The following MKNK1 variants were observed in gnomAD, a reference collection of about 807,000 sequenced individuals.
The protein encoded by MKNK1 is MAP kinase-interacting serine/threonine-protein kinase 1.
MKNK1 carries 30 observed loss-of-function variants against 49.3 expected under a neutral mutation model. That is an observed-to-expected ratio of 0.61 (90% CI 0.46 to 0.83). MKNK1 has a LOEUF of 0.83. Among genes scored for constraint, MKNK1 ranks in the 40% least tolerant of loss-of-function variants. The pLI is 0.00. For synonymous variants in MKNK1, 176 were observed against 201.7 expected (o/e 0.87, Z 1.08); for missense variants, 423 against 524.7 (o/e 0.81, Z 1.89).
Position 46,558,267 on chromosome 1 carries a change from T to C in MKNK1, c.*308A>G, listed in dbSNP as rs1004859178. On this transcript the variant is annotated 3_prime_UTR_variant, in exon 13 of 13. Coordinates refer to ENST00000371945, the MANE Select transcript of MKNK1 (RefSeq NM_001135553.4). ...CACAGCTACAGCGGTGAGAGCAGGC[T>C]GGATCCCAGATCTGCAGGCGGGTGA... is the stretch of plus-strand genomic sequence containing the variant. 8.2e-6 allele frequency: 3 copies of C among 365,440 alleles called. No homozygotes were observed. Among genetic ancestry groups the C allele is most frequent in the Non-Finnish European group, 1.5e-5 (3 of 201,256 alleles). The allele number at this position is 365,440 out of a possible 1,614,324, so 22.6% of individuals were successfully genotyped here.
chr1:46,561,536 C>T lies in MKNK1; in HGVS notation c.911G>A (p.Arg304Gln), dbSNP rs778056566. 82 of 1,614,152 alleles carry T rather than the reference C, an allele frequency of 5.1e-5. No individual in the cohort carries two copies. The highest frequency in any genetic ancestry group is 3.3e-4 in the Middle Eastern group (2 of 6,060). ...AKDLISKLLV[R>Q]DAKQRLSAAQ... ...GGCGCTAAGTCTCTGCTTTGCATCT[C>T]GCACCAGGAGCTTGGAGATGAGGTC... The change falls in exon 11 of 13, where the codon CGA becomes CAA. Residue 304 changes from arginine to glutamine, a missense_variant. Coordinates refer to ENST00000371945, the MANE Select transcript of MKNK1 (RefSeq NM_001135553.4).
At chr1:46,596,036 C>T (rs1674020503) in intron 1 of MKNK1, among the ~76,000 whole-genome samples, 1 of 152,260 alleles carries the variant, frequency 6.6e-6, no homozygotes, top group African/African-American at 2.4e-5. Flanking sequence ...GCGTGAGCCA[C>T]CACGCCTGGC....
chr1:46,593,005 G>A (rs1175596999), intron 2 of MKNK1, among the ~76,000 whole-genome samples: 1 of 151,754 alleles, frequency 6.6e-6, no homozygotes, highest in East Asian at 1.9e-4. Flanking sequence ...CAGCCACCAG[G>A]GACTATGAAA....
Position 46,589,545 on chromosome 1 carries a change from G to T in MKNK1, c.-3+4568C>A, listed in dbSNP as rs1673059059. 6.6e-6 allele frequency among the ~76,000 whole-genome samples: 1 copy of T among 152,190 alleles called. No individual in the cohort carries two copies. The highest frequency in any genetic ancestry group is 1.9e-4 in the East Asian group (1 of 5,200). ...TTATCTTGTTTTCTCCATTAAAATA[G>T]GAATGCATGTTTCGTCTCTTTGTAA... On this transcript the variant is annotated intron_variant, in intron 2 of 12. Coordinates refer to ENST00000371945, the MANE Select transcript of MKNK1 (RefSeq NM_001135553.4). The surrounding 1 kb of genome is among the most constrained non-coding windows in gnomAD (Gnocchi z 4.3).
intron 7 of MKNK1, 100 bp downstream of exon 7, chr1:46,571,963 C>T: frequency 9.3e-7 from 1 of 1,080,240 alleles, no homozygotes; most frequent in Non-Finnish European, 1.4e-6. Context: ...CTTCCAGCCA[C>T]ACCATCTCCT....
intron 2 of MKNK1, among the ~76,000 whole-genome samples, chr1:46,586,772 C>A (rs941913167): frequency 1.3e-5 from 2 of 152,036 alleles, no homozygotes; most frequent in Non-Finnish European, 2.9e-5. Context: ...AACTCCCTTT[C>A]GAAAAAGGGT....
chr1:46,575,058 G>T lies in MKNK1; in HGVS notation c.279-38C>A, dbSNP rs377573316. 9.7e-5 allele frequency: 129 copies of T among 1,331,616 alleles called. 1 individual carries two copies. Among genetic ancestry groups the T allele is most frequent in the Middle Eastern group, 5.5e-4 (3 of 5,464 alleles). The allele number at this position is 1,331,616 out of a possible 1,614,324, so 82.5% of individuals were successfully genotyped here. On this transcript the variant is annotated intron_variant, in intron 5 of 12. Transcript: ENST00000371945. ...AAATAGGAGGAGAGGGAAAAGGGGGGAAATGGTATTATATATTAAAGTCTA... is the reference window on the plus strand; with the variant it reads ...AAATAGGAGGAGAGGGAAAAGGGGGTAAATGGTATTATATATTAAAGTCTA...
chr1:46,559,123 C>A (rs145911347), intron 12 of MKNK1, among the ~76,000 whole-genome samples: 1 of 152,336 alleles, frequency 6.6e-6, no homozygotes, highest in African/African-American at 2.4e-5. Flanking sequence ...ATGAAACACA[C>A]CTGTCCCTCC....
At chr1:46,575,309 C>T (rs145940320) in intron 5 of MKNK1, 27 of 298,586 alleles carry the variant, frequency 9.0e-5, no homozygotes, top group African/African-American at 3.7e-4. Flanking sequence ...AAAAAAGTCC[C>T]GGTCACATTA....
Position 46,561,538 on chromosome 1 carries a change from C to A in MKNK1, c.909G>T (p.Val303=). Residue 303 remains valine, a synonymous_variant, in exon 11 of 13, where the codon GTG becomes GTT. Coordinates refer to ENST00000371945, the MANE Select transcript of MKNK1 (RefSeq NM_001135553.4). ...EAKDLISKLL[V]RDAKQRLSAA... ...CGCTAAGTCTCTGCTTTGCATCTCG[C>A]ACCAGGAGCTTGGAGATGAGGTCTT... 1 of 1,614,204 alleles carries A rather than the reference C, an allele frequency of 6.2e-7. No individual in the cohort carries two copies. The highest frequency in any genetic ancestry group is 2.2e-5 in the East Asian group (1 of 44,886).
intron 2 of MKNK1, chr1:46,593,384 A>C (rs1018463446): frequency 6.6e-6 from 1 of 152,108 alleles, no homozygotes; most frequent in African/African-American, 2.4e-5. Context: ...TTCTTTGTAG[A>C]GACAGTCTTG....
intron 4 of MKNK1, 36 bp downstream of exon 4, chr1:46,580,494 G>C: frequency 1.4e-6 from 2 of 1,402,666 alleles, no homozygotes; most frequent in Non-Finnish European, 1.0e-6. Flanking sequence ...ATGACTATTT[G>C]CAAAGTAAAG....
In MKNK1 at chr1:46,560,112, T is replaced by C. The variant is rs1339496203; in HGVS notation, c.1013+122A>G. 5 of 1,065,456 alleles carry C rather than the reference T, an allele frequency of 4.7e-6. No individual in the cohort carries two copies. The African/African-American group carries it at 7.8e-5, about 17-fold the overall frequency. The allele number at this position is 1,065,456 out of a possible 1,614,324, so 66.0% of individuals were successfully genotyped here. On this transcript the variant is annotated intron_variant, in intron 12 of 12. Transcript: ENST00000371945. ...AGGAAAAGAGAGTGAGGAGGGGAAATGGGCAGGGAGCCCCTTTGGAGAAAG... is the reference window on the plus strand; with the variant it reads ...AGGAAAAGAGAGTGAGGAGGGGAAACGGGCAGGGAGCCCCTTTGGAGAAAG...
Position 46,576,572 on chromosome 1 carries a change from CACTT to C in MKNK1, c.277_278+2del. 1.2e-6 allele frequency: 2 copies of C among 1,612,710 alleles called. No homozygotes were observed. Among genetic ancestry groups the C allele is most frequent in the Admixed American group, 1.7e-5 (1 of 60,028 alleles). ...GAAGCAGCGAGAATCACATGATACT[CACTT>C]GTTTCCCTGACACTGATACAGCGTC... On this transcript the variant is annotated splice_donor_variant and coding_sequence_variant, in exon 5 of 13. Transcript: ENST00000371945. LOFTEE classifies it high-confidence loss of function.
At chr1:46,601,942 C>G (rs1378444401) in intron 1 of MKNK1, among the ~76,000 whole-genome samples, 2 of 152,130 alleles carry the variant, frequency 1.3e-5, no homozygotes, top group Non-Finnish European at 2.9e-5. Context: ...TCAGCCTTTG[C>G]TACAGAAGAT....
At chr1:46,602,186 C>T (rs1674819544) in intron 1 of MKNK1, among the ~76,000 whole-genome samples, 1 of 152,130 alleles carries the variant, frequency 6.6e-6, no homozygotes, top group Non-Finnish European at 1.5e-5. Flanking sequence ...CCCAGGCAGG[C>T]GGATCACCTG....
chr1:46,602,248 C>T (rs1219074604), intron 1 of MKNK1, among the ~76,000 whole-genome samples: 1 of 152,154 alleles, frequency 6.6e-6, no homozygotes, highest in Non-Finnish European at 1.5e-5. Context: ...CCCGTCTCTA[C>T]TAAAAATACA....
chr1:46,565,236 A>T (rs1416194968), intron 8 of MKNK1, 100 bp from the exon 9 acceptor site: 8 of 1,076,610 alleles, frequency 7.4e-6, no homozygotes, highest in Non-Finnish European at 1.1e-5. Flanking sequence ...TGGCTGTCAC[A>T]CCGCAGCTGG....
chr1:46,600,595 A>G (rs1386637036), intron 1 of MKNK1, among the ~76,000 whole-genome samples: 1 of 152,210 alleles, frequency 6.6e-6, no homozygotes, highest in Non-Finnish European at 1.5e-5. Flanking sequence ...ATATAAGGAG[A>G]CATTGCTGGG....
Sources: gnomAD v4.1 joint callset for allele counts (sites outside exome capture counted in the v4.1 genomes callset) on GRCh38, gnomAD v4.1.1 for gene constraint, Gnocchi (gnomAD v3.1) non-coding constraint, MANE v1.5 for transcripts, NCBI Gene and HGNC (gene_info 2026-07-23, HGNC 2026-07-21) for gene names.